The following DPH6 variants were observed in gnomAD, a reference collection of about 807,000 sequenced individuals.
DPH6 encodes diphthine--ammonia ligase.
Under a neutral mutation model 38.2 loss-of-function variants are expected in DPH6, and 33 were observed. The observed-to-expected ratio is 0.86, with a 90% confidence interval of 0.65 to 1.15. DPH6 has a LOEUF of 1.15. Among genes scored for constraint, DPH6 ranks in the 50% most tolerant of loss-of-function variants. The pLI is 0.00. For synonymous variants in DPH6, 108 were observed against 103.0 expected (o/e 1.05, Z -0.30); for missense variants, 325 against 320.0 (o/e 1.02, Z -0.12).
chr15:35,373,169 A>G (rs111595543), intron 8 of DPH6, among the ~76,000 whole-genome samples: 9 of 151,934 alleles, frequency 5.9e-5, no homozygotes, highest in African/African-American at 2.2e-4. Context: ...AATCCAATTT[A>G]TCCTCAAACC....
At chr15:35,146,069 CTGTGTGTGTGTGTGTGTGTGTG>C in the DPH6 span, among the ~76,000 whole-genome samples, 2 of 147,096 alleles carry the variant, frequency 1.4e-5, no homozygotes, top group Non-Finnish European at 3.0e-5. Context: ...CTTATAGTTT[CTGTGTGTGTGTGTGTGTGTGTG>C]TGTGTGTGTG....
At chr15:35,150,330 C>G in the DPH6 span, among the ~76,000 whole-genome samples, 1 of 152,058 alleles carries the variant, frequency 6.6e-6, no homozygotes, top group Non-Finnish European at 1.5e-5. Flanking sequence ...AAAGTAACAA[C>G]AAAGGAGGGG....
chr15:35,428,947 AAAG>A (rs1238929432), intron 5 of DPH6, among the ~76,000 whole-genome samples: 2 of 152,196 alleles, frequency 1.3e-5, no homozygotes, highest in Non-Finnish European at 2.9e-5. Flanking sequence ...AAAACATAAA[AAAG>A]AAAATTTAAG....
chr15:35,369,861 G>A (rs1324071575), downstream of DPH6, among the ~76,000 whole-genome samples: 1 of 151,578 alleles, frequency 6.6e-6, no homozygotes, highest in African/African-American at 2.4e-5. Context: ...TTGTGGATAC[G>A]GAAAAACTGA....
chr15:35,405,865 T>C (rs2053285479), intron 6 of DPH6, among the ~76,000 whole-genome samples: 1 of 152,020 alleles, frequency 6.6e-6, no homozygotes, highest in Non-Finnish European at 1.5e-5. Flanking sequence ...TGTTGAGGTA[T>C]GTTCTTTCTA....
chr15:35,290,167 T>G (rs890257422), intron 3 of DPH6, among the ~76,000 whole-genome samples: 11 of 152,236 alleles, frequency 7.2e-5, no homozygotes, highest in African/African-American at 2.7e-4. Context: ...GAATGTTGCA[T>G]AATTGGTTTA....
chr15:35,193,386 GATAA>G, the DPH6 span, among the ~76,000 whole-genome samples: 2 of 151,570 alleles, frequency 1.3e-5, no homozygotes, highest in African/African-American at 4.8e-5. Flanking sequence ...ATAATATTTC[GATAA>G]ATTAATAATA....
At chr15:35,223,479 G>A (rs1300723807) in intron 3 of DPH6, among the ~76,000 whole-genome samples, 2 of 152,154 alleles carry the variant, frequency 1.3e-5, no homozygotes, top group Admixed American at 6.5e-5. Context: ...GAGGTCAGGA[G>A]ATGGAGACCA....
chr15:35,436,514 C>CAAAAAAACAAAAAAAA (rs1277172991), intron 5 of DPH6, among the ~76,000 whole-genome samples: 1 of 123,200 alleles, frequency 8.1e-6, no homozygotes, highest in East Asian at 2.5e-4. Flanking sequence ...CAAAACAAAA[C>CAAAAAAACAAAAAAAA]AAAAAAGGTT....
intron 6 of DPH6, among the ~76,000 whole-genome samples, chr15:35,390,546 T>C (rs968896052): frequency 1.3e-5 from 2 of 152,342 alleles, no homozygotes; most frequent in African/African-American, 2.4e-5. Flanking sequence ...CATTTCTTTT[T>C]ATTCTTTTTT....
chr15:35,220,225 G>A (rs2051434001), exon 4 of DPH6: 1 of 151,760 alleles, frequency 6.6e-6, no homozygotes, highest in Non-Finnish European at 1.5e-5. Context: ...ATTTTGGGAG[G>A]GCAGTTTTAC....
At chr15:35,513,408 C>T (rs2054801784) in intron 3 of DPH6, among the ~76,000 whole-genome samples, 1 of 151,866 alleles carries the variant, frequency 6.6e-6, no homozygotes, top group Non-Finnish European at 1.5e-5. Context: ...AAGAGAAGTA[C>T]TAAAAACCCA....
At chr15:35,290,807 A>AC (rs1173799105) in intron 3 of DPH6, among the ~76,000 whole-genome samples, 1 of 151,600 alleles carries the variant, frequency 6.6e-6, no homozygotes, top group Non-Finnish European at 1.5e-5. Context: ...TTTGTGTGAT[A>AC]CTTTTTTTTT....
At chr15:35,482,664 CA>C (rs752460222) in intron 3 of DPH6, among the ~76,000 whole-genome samples, 6 of 151,990 alleles carry the variant, frequency 3.9e-5, no homozygotes, top group Non-Finnish European at 8.8e-5. Flanking sequence ...TATTCAGATG[CA>C]AAATGATAAA....
downstream of DPH6, among the ~76,000 whole-genome samples, chr15:35,367,843 T>A (rs916172830): frequency 6.6e-5 from 10 of 151,740 alleles, no homozygotes; most frequent in African/African-American, 2.4e-4. Flanking sequence ...CTTAAAGCAT[T>A]TTTCTCTAAC....
At chr15:35,278,205 G>A (rs1428454789) in intron 3 of DPH6, among the ~76,000 whole-genome samples, 4 of 152,196 alleles carry the variant, frequency 2.6e-5, no homozygotes, top group African/African-American at 9.6e-5. Context: ...GGACACTGCT[G>A]CCCTGCTCAG....
intron 3 of DPH6, chr15:35,522,268 C>A (rs1484323991): frequency 6.2e-7 from 1 of 1,612,822 alleles, no homozygotes; most frequent in African/African-American, 1.3e-5. Context: ...CAAGGTCATT[C>A]TAGTGATGCC....
At chr15:35,494,923 G>GA (rs1172199199) in intron 3 of DPH6, among the ~76,000 whole-genome samples, 3 of 151,814 alleles carry the variant, frequency 2.0e-5, no homozygotes, top group African/African-American at 7.3e-5. Context: ...CTAAAATCAG[G>GA]AAAAAAATGT....
intron 3 of DPH6, among the ~76,000 whole-genome samples, chr15:35,496,369 A>G (rs945443543): frequency 6.6e-6 from 1 of 151,176 alleles, no homozygotes; most frequent in African/African-American, 2.4e-5. Flanking sequence ...AGTTTGACCA[A>G]CATGGTGGAA....
Sources: gnomAD v4.1 joint callset for allele counts (sites outside exome capture counted in the v4.1 genomes callset) on GRCh38, gnomAD v4.1.1 for gene constraint, MANE v1.5 for transcripts, NCBI Gene and HGNC (gene_info 2026-07-23, HGNC 2026-07-21) for gene names.